Variants in GPC5 observed in about 807,000 individuals in gnomAD.
GPC5 encodes glypican 5.
Under a neutral mutation model 53.9 loss-of-function variants are expected in GPC5, and 47 were observed. The observed-to-expected ratio is 0.87, with a 90% CI of 0.69 to 1.11. The LOEUF (loss-of-function observed/expected upper bound fraction) is 1.11, where lower values mean the gene tolerates loss of function less well. GPC5 is among the 50% of genes most tolerant of loss of function. GPC5 has a pLI of 0.00. For missense variants in GPC5, 748 were observed against 713.1 expected (o/e 1.05, Z -0.56); for synonymous variants, 286 against 263.3 (o/e 1.09, Z -0.84).
At chr13:92,517,779 C>G (rs1180531688) in intron 7 of GPC5, among the ~76,000 whole-genome samples, 4 of 152,146 alleles carry the variant, frequency 2.6e-5, no homozygotes, top group African/African-American at 9.7e-5. Flanking sequence ...GCACCTCTCC[C>G]CCTCCAAAGG....
chr13:92,482,827 A>G (rs1331046129), intron 7 of GPC5, among the ~76,000 whole-genome samples: 1 of 152,174 alleles, frequency 6.6e-6, no homozygotes, highest in Non-Finnish European at 1.5e-5. Context: ...AACTATAGTT[A>G]TGCCATGCTT....
intron 7 of GPC5, among the ~76,000 whole-genome samples, chr13:92,289,234 C>A (rs1433997585): frequency 6.6e-6 from 1 of 152,020 alleles, no homozygotes; most frequent in Admixed American, 6.6e-5. Context: ...AATTTAATGG[C>A]ATTAATTTTA....
intron 4 of GPC5, among the ~76,000 whole-genome samples, chr13:91,743,597 T>A (rs2036982894): frequency 6.6e-6 from 1 of 152,176 alleles, no homozygotes; most frequent in Non-Finnish European, 1.5e-5. Context: ...GGAATACTCA[T>A]ATTTGTATCC....
chr13:92,064,781 C>CAAAAAAAAAAAAAAA (rs2041155061), intron 6 of GPC5, among the ~76,000 whole-genome samples: 1 of 51,518 alleles, frequency 1.9e-5, no homozygotes, highest in Non-Finnish European at 4.9e-5. Flanking sequence ...AAACAAAACT[C>CAAAAAAAAAAAAAAA]AGAGGCAACT....
At chr13:91,781,709 A>T (rs191068880) in intron 5 of GPC5, among the ~76,000 whole-genome samples, 3 of 152,350 alleles carry the variant, frequency 2.0e-5, no homozygotes, top group Admixed American at 6.5e-5. Flanking sequence ...AGCACTGATA[A>T]GTCGAATCCA....
chr13:92,707,060 C>A (rs1887976325), intron 7 of GPC5, among the ~76,000 whole-genome samples: 1 of 152,108 alleles, frequency 6.6e-6, no homozygotes, highest in South Asian at 2.1e-4. Context: ...ATAACCTGAC[C>A]ATGGTGGCAC....
intron 7 of GPC5, among the ~76,000 whole-genome samples, chr13:92,383,337 T>C (rs1414780549): frequency 6.6e-6 from 1 of 152,198 alleles, no homozygotes; most frequent in African/African-American, 2.4e-5. Flanking sequence ...AACTAAATGA[T>C]AGATTATTTG....
intron 4 of GPC5, among the ~76,000 whole-genome samples, chr13:91,737,891 A>G (rs1566649519): frequency 6.6e-6 from 1 of 151,416 alleles, no homozygotes; most frequent in South Asian, 2.1e-4. Context: ...AAATTAATAT[A>G]AGGCAGATTA....
chr13:92,150,926 G>A (rs2041902962), intron 7 of GPC5, among the ~76,000 whole-genome samples: 1 of 151,618 alleles, frequency 6.6e-6, no homozygotes, highest in Non-Finnish European at 1.5e-5. Context: ...ATATTATCAG[G>A]TAAATTTTCT....
At chr13:91,808,626 T>C (rs2038260970) in intron 5 of GPC5, among the ~76,000 whole-genome samples, 1 of 152,164 alleles carries the variant, frequency 6.6e-6, no homozygotes, top group South Asian at 2.1e-4. Context: ...ATATTACTTC[T>C]TGTCTACTCC....
chr13:91,543,834 T>C (rs1594232271), intron 2 of GPC5, among the ~76,000 whole-genome samples: 2 of 152,228 alleles, frequency 1.3e-5, no homozygotes, highest in East Asian at 3.8e-4. Context: ...AGAGCCTATA[T>C]TTTCCTTATC....
chr13:92,526,438 C>A lies in GPC5; in HGVS notation c.1562-339844C>A, dbSNP rs78195846. Among the ~76,000 whole-genome samples, 545 of 152,064 alleles carry A rather than the reference C, an allele frequency of 3.6e-3. 1 individual carries two copies. Among genetic ancestry groups the A allele is most frequent in the African/African-American group, 0.012 (506 of 41,478 alleles). ...CATATTTGAAAAACAGAAATAAGTC[C>A]AGTGTGGGTGAAAGATGTGTGTAAT... On this transcript the variant is annotated intron_variant, in intron 7 of 7. Transcript: ENST00000377067.
chr13:92,673,887 A>G (rs1019419654), intron 7 of GPC5, among the ~76,000 whole-genome samples: 1 of 152,188 alleles, frequency 6.6e-6, no homozygotes, highest in African/African-American at 2.4e-5. Flanking sequence ...CTCATAAATA[A>G]TGGAATGAAG....
intron 2 of GPC5, among the ~76,000 whole-genome samples, chr13:91,563,145 C>A (rs1432459107): frequency 6.6e-6 from 1 of 151,968 alleles, no homozygotes; most frequent in African/African-American, 2.4e-5. Flanking sequence ...TGCTAAAAAT[C>A]GCAAGTAACA....
At chr13:92,253,919 G>C (rs1011682148) in intron 7 of GPC5, among the ~76,000 whole-genome samples, 4 of 152,036 alleles carry the variant, frequency 2.6e-5, no homozygotes, top group African/African-American at 9.7e-5. Context: ...ATGATTACTG[G>C]AATGTCTATA....
chr13:91,968,139 G>T (rs1320378450), intron 6 of GPC5, among the ~76,000 whole-genome samples: 2 of 151,916 alleles, frequency 1.3e-5, no homozygotes, highest in Non-Finnish European at 2.9e-5. Context: ...CTTAGTTTTA[G>T]AAATGTGTCC....
At chr13:92,307,196 TG>T (rs1374071488) in intron 7 of GPC5, among the ~76,000 whole-genome samples, 25 of 152,342 alleles carry the variant, frequency 1.6e-4, no homozygotes, top group Non-Finnish European at 2.9e-4. Flanking sequence ...CCTGTTGATA[TG>T]AAAAGGAAAA....
intron 7 of GPC5, among the ~76,000 whole-genome samples, chr13:92,496,361 T>C (rs909957412): frequency 6.6e-6 from 1 of 152,218 alleles, no homozygotes; most frequent in African/African-American, 2.4e-5. Flanking sequence ...AGAAACAATT[T>C]ACTCGATGTT....
At chr13:91,582,158 G>A (rs2032387679) in intron 2 of GPC5, among the ~76,000 whole-genome samples, 3 of 152,086 alleles carry the variant, frequency 2.0e-5, no homozygotes, top group Admixed American at 2.0e-4. Flanking sequence ...TACTTGCCAT[G>A]GCAGTGGTTT....
Sources: gnomAD v4.1 joint callset for allele counts (sites outside exome capture counted in the v4.1 genomes callset) on GRCh38, gnomAD v4.1.1 for gene constraint, MANE v1.5 for transcripts, NCBI Gene and HGNC (gene_info 2026-07-23, HGNC 2026-07-21) for gene names.